Variants in SDCCAG8 observed in about 807,000 individuals in gnomAD.
SDCCAG8 encodes the protein SHH signaling and ciliogenesis regulator SDCCAG8, also known as serologically defined colon cancer antigen 8.
A neutral mutation model predicts 101.8 loss-of-function variants in SDCCAG8; 74 were observed. The observed-to-expected ratio is 0.73, with a 90% confidence interval of 0.60 to 0.88. The LOEUF is 0.88. Ranked by LOEUF, SDCCAG8 falls within the 40% of genes least tolerant of loss-of-function variation. SDCCAG8 has a pLI of 0.00. For synonymous variants in SDCCAG8, 281 were observed against 292.9 expected (o/e 0.96, Z 0.41); for missense variants, 787 against 822.6 (o/e 0.96, Z 0.53).
chr1:243,495,330 G>A (rs901112240), intron 17 of SDCCAG8, among the ~76,000 whole-genome samples: 3 of 152,236 alleles, frequency 2.0e-5, no homozygotes, highest in African/African-American at 4.8e-5. Flanking sequence ...GGCCTTCTCT[G>A]TGGATACCTT....
At chr1:243,461,336 A>C (rs569689650) in intron 16 of SDCCAG8, among the ~76,000 whole-genome samples, 1 of 152,342 alleles carries the variant, frequency 6.6e-6, no homozygotes, top group East Asian at 1.9e-4. Flanking sequence ...GGTTGATCAA[A>C]GGGAGAGTAC....
intron 17 of SDCCAG8, among the ~76,000 whole-genome samples, chr1:243,492,604 G>GTTTTTTTTTTTTTT (rs74162289): frequency 3.4e-5 from 2 of 58,876 alleles, no homozygotes; most frequent in African/African-American, 1.4e-4. Flanking sequence ...GCGCCCAGCT[G>GTTTTTTTTTTTTTT]TTTTTTTTTT....
At chr1:243,366,444 A>G (rs1015173575) in intron 12 of SDCCAG8, among the ~76,000 whole-genome samples, 9 of 152,004 alleles carry the variant, frequency 5.9e-5, no homozygotes, top group Non-Finnish European at 1.2e-4. Context: ...TATAATTTCA[A>G]TGCAATTACT....
intron 11 of SDCCAG8, 64 bp downstream of exon 11, chr1:243,341,237 C>G: frequency 6.3e-7 from 1 of 1,574,970 alleles, no homozygotes. Context: ...AAATGTTTTC[C>G]TAATGTACAA....
At chr1:243,369,525 A>T (rs1430864035) in intron 12 of SDCCAG8, among the ~76,000 whole-genome samples, 1 of 152,140 alleles carries the variant, frequency 6.6e-6, no homozygotes, top group Non-Finnish European at 1.5e-5. Flanking sequence ...GTAACTATGA[A>T]CCATCTGATT....
intron 12 of SDCCAG8, among the ~76,000 whole-genome samples, chr1:243,355,286 C>G (rs979204913): frequency 1.3e-5 from 2 of 151,626 alleles, no homozygotes; most frequent in African/African-American, 2.4e-5. Flanking sequence ...TATAAAATCT[C>G]TCTACTTACA....
chr1:243,290,781 G>A (rs10754800), intron 5 of SDCCAG8, among the ~76,000 whole-genome samples: 121,048 of 152,080 alleles, frequency 0.8, 49,104 homozygotes, highest in East Asian at 0.94. Flanking sequence ...ATTTTTTTCT[G>A]GAAAACCTTC....
rs139210926 is a variant in SDCCAG8 at position 243,458,633 on chromosome 1, A to G, written c.1986-30381A>G. On this transcript the variant is annotated intron_variant, in intron 16 of 17. Transcript: ENST00000366541. The surrounding 1 kb of genome is among the most constrained non-coding windows in gnomAD (Gnocchi z 4.5). ...GTAACAGGCTGAAGGTCACACAGCT[A>G]CTATGTGATAGATGCCAAACGTGAA... is the stretch of plus-strand genomic sequence containing the variant. Among the ~76,000 whole-genome samples, 195 of 152,352 alleles carry G rather than the reference A, an allele frequency of 1.3e-3. 1 individual carries two copies. Among genetic ancestry groups the G allele is most frequent in the Middle Eastern group, 6.8e-3 (2 of 294 alleles).
intron 12 of SDCCAG8, among the ~76,000 whole-genome samples, chr1:243,359,957 T>G (rs1221089123): frequency 6.6e-6 from 1 of 152,142 alleles, no homozygotes; most frequent in Non-Finnish European, 1.5e-5. Context: ...CTTTTTTATA[T>G]TTAGTTGTTC....
chr1:243,265,005 C>T (rs987384221), intron 1 of SDCCAG8, among the ~76,000 whole-genome samples: 13 of 152,118 alleles, frequency 8.5e-5, no homozygotes, highest in African/African-American at 3.1e-4. Flanking sequence ...ATCTGGTTTC[C>T]TTAAATGTAA....
intron 6 of SDCCAG8, among the ~76,000 whole-genome samples, chr1:243,300,090 C>T (rs2071353433): frequency 6.6e-6 from 1 of 151,652 alleles, no homozygotes; most frequent in South Asian, 2.1e-4. Flanking sequence ...GTCTTGAACT[C>T]CTGACCTCGT....
At chr1:243,424,547 G>A (rs1458167560) in intron 15 of SDCCAG8, among the ~76,000 whole-genome samples, 2 of 151,966 alleles carry the variant, frequency 1.3e-5, no homozygotes, top group Non-Finnish European at 2.9e-5. Context: ...TACACATGCT[G>A]ACTTTTAATG....
At chr1:243,370,332 G>C (rs960789582) in intron 12 of SDCCAG8, among the ~76,000 whole-genome samples, 1 of 152,082 alleles carries the variant, frequency 6.6e-6, no homozygotes, top group Admixed American at 6.6e-5. Flanking sequence ...AAAAATTGCA[G>C]ATTTAATGAA....
At chr1:243,270,021 C>A in intron 1 of SDCCAG8, 84 bp from the exon 2 acceptor site, 2 of 1,586,444 alleles carry the variant, frequency 1.3e-6, no homozygotes. Context: ...ATGATTTCAC[C>A]TTTAAAAACT....
intron 12 of SDCCAG8, among the ~76,000 whole-genome samples, chr1:243,358,700 C>T (rs2076529318): frequency 6.6e-6 from 1 of 152,090 alleles, no homozygotes; most frequent in Admixed American, 6.6e-5. Flanking sequence ...TGCCAATACC[C>T]CAAATGTCTA....
intron 13 of SDCCAG8, among the ~76,000 whole-genome samples, chr1:243,391,372 G>T (rs2078687522): frequency 6.6e-6 from 1 of 152,156 alleles, no homozygotes; most frequent in Non-Finnish European, 1.5e-5. Flanking sequence ...TTATTATGCT[G>T]CAACTCTGTT....
Position 243,344,280 on chromosome 1 carries a change from G to C in SDCCAG8, c.1422G>C (p.Glu474Asp). Reference sequence around the variant, plus strand: ...TGGAGAAGGATGAGGCAGAAAAGGAGCACAGAGAGTTCAGAGCAAAAACTA... The same window carrying C: ...TGGAGAAGGATGAGGCAGAAAAGGACCACAGAGAGTTCAGAGCAAAAACTA... ...TNMEKDEAEK[E>D]HREFRAKTNR... Residue 474 changes from glutamate to aspartate, a missense_variant, in exon 12 of 18, where the codon GAG becomes GAC. Glu to Asp is a conservative substitution (Grantham distance 45, BLOSUM62 2). Coordinates refer to ENST00000366541, the MANE Select transcript of SDCCAG8 (RefSeq NM_006642.5). 6.2e-7 allele frequency: 1 copy of C among 1,613,988 alleles called. No homozygotes were observed. The highest frequency in any genetic ancestry group is 8.5e-7 in the Non-Finnish European group (1 of 1,179,922).
intron 16 of SDCCAG8, among the ~76,000 whole-genome samples, chr1:243,484,812 A>G (rs779220069): frequency 2.5e-4 from 38 of 152,218 alleles, no homozygotes; most frequent in Non-Finnish European, 4.4e-4. Context: ...TTGGGAGGCC[A>G]AGGCGGGCAG....
chr1:243,332,834 C>T (rs911126489), intron 10 of SDCCAG8, among the ~76,000 whole-genome samples: 5 of 151,466 alleles, frequency 3.3e-5, no homozygotes, highest in South Asian at 4.2e-4. Context: ...AGGTGATTAT[C>T]GTGGTCCCGG....
Sources: gnomAD v4.1 joint callset for allele counts (sites outside exome capture counted in the v4.1 genomes callset) on GRCh38, gnomAD v4.1.1 for gene constraint, Gnocchi (gnomAD v3.1) non-coding constraint, MANE v1.5 for transcripts, NCBI Gene and HGNC (gene_info 2026-07-23, HGNC 2026-07-21) for gene names.